BBX: variants seen among roughly 807,000 people sequenced by gnomAD.
BBX encodes the protein BBX high mobility group box domain containing.
BBX carries 30 observed loss-of-function variants against 100.2 expected under a neutral mutation model. The observed-to-expected ratio is 0.30, with a 90% CI of 0.22 to 0.41. The LOEUF (loss-of-function observed/expected upper bound fraction) is 0.41. Among genes scored for constraint, BBX ranks in the 10% least tolerant of loss-of-function variants. The pLI is 1.00. For synonymous variants in BBX, 376 were observed against 388.1 expected (o/e 0.97, Z 0.37); for missense variants, 1,023 against 1,129.8 (o/e 0.91, Z 1.35).
intron 15 of BBX, among the ~76,000 whole-genome samples, chr3:107,795,638 T>TG (rs2069559462): frequency 6.8e-6 from 1 of 146,304 alleles, no homozygotes; most frequent in South Asian, 2.3e-4. Context: ...TTTTTTTTTT[T>TG]GCCTCTTCCA....
At chr3:107,666,406 A>T (rs558524227) in intron 3 of BBX, among the ~76,000 whole-genome samples, 1 of 152,338 alleles carries the variant, frequency 6.6e-6, no homozygotes, top group South Asian at 2.1e-4. Context: ...TAAGTCTTGC[A>T]ACTTTTAGCA....
intron 2 of BBX, among the ~76,000 whole-genome samples, chr3:107,595,117 A>G (rs1365506453): frequency 6.6e-6 from 1 of 152,200 alleles, no homozygotes; most frequent in Non-Finnish European, 1.5e-5. Context: ...TTACTAGGGA[A>G]CTAGGCTGGA....
chr3:107,765,361 A>G (rs1051101420), intron 10 of BBX, among the ~76,000 whole-genome samples: 1 of 152,164 alleles, frequency 6.6e-6, no homozygotes, highest in African/African-American at 2.4e-5. Flanking sequence ...GAAAATAGCT[A>G]ATCAGTAGCA....
chr3:107,633,342 T>C (rs2056662248), intron 2 of BBX, among the ~76,000 whole-genome samples: 2 of 152,244 alleles, frequency 1.3e-5, no homozygotes, highest in East Asian at 3.9e-4. Context: ...TTATGAAAAG[T>C]TCTGTACTAT....
At chr3:107,531,828 C>G (rs150743453) in intron 2 of BBX, among the ~76,000 whole-genome samples, 2 of 152,288 alleles carry the variant, frequency 1.3e-5, no homozygotes, top group East Asian at 3.9e-4. Flanking sequence ...TTTCATATTT[C>G]ACGGTAGTTC....
At position 107,672,973 on chromosome 3, in the gene BBX, A is replaced by G. The variant is rs759319150; in HGVS notation, c.-10+27064A>G. On this transcript the variant is annotated intron_variant, in intron 3 of 17. Coordinates refer to ENST00000325805, the MANE Select transcript of BBX (RefSeq NM_001142568.3). ...ACTTTGTACTAGCCCCAGCTCTTTC[A>G]TCTTGAACAGGTTCTAGGACCTTGA... Among the ~76,000 whole-genome samples, 3 of 152,198 alleles carry G rather than the reference A, an allele frequency of 2.0e-5. No individual in the cohort carries two copies. In the East Asian group the frequency reaches 5.8e-4, roughly 29 times the overall value.
chr3:107,678,507 T>C (rs2059399680), intron 3 of BBX, among the ~76,000 whole-genome samples: 1 of 152,118 alleles, frequency 6.6e-6, no homozygotes, highest in Admixed American at 6.6e-5. Flanking sequence ...GAGGATTGTT[T>C]GAGCCCAGGA....
In BBX at chr3:107,664,447, G is replaced by A. The variant is rs372227505; in HGVS notation, c.-10+18538G>A. On this transcript the variant is annotated intron_variant, in intron 3 of 17. Transcript: ENST00000325805. The stretch of plus-strand genomic sequence containing the variant: ...ACTTTGCATGAATGTGACTATATCC[G>A]AGCAGAAGTTTAAAAATGGAAAAGA... Among the ~76,000 whole-genome samples, 271 of 152,250 alleles carry A rather than the reference G, an allele frequency of 1.8e-3. 8 individuals carry two copies. The South Asian group carries it at 0.051, about 28-fold the overall frequency.
Position 107,806,891 on chromosome 3 carries a change from G to C in BBX, c.*1434G>C, listed in dbSNP as rs1387465450. The C allele has an allele frequency of 1.3e-5, 2 of 152,180 alleles. No individual in the cohort carries two copies. Among genetic ancestry groups the C allele is most frequent in the African/African-American group, 4.8e-5 (2 of 41,450 alleles). 9.4% of individuals were successfully genotyped at this position (152,180 alleles called of 1,614,324 possible). On this transcript the variant is annotated 3_prime_UTR_variant, in exon 18 of 18. Coordinates refer to ENST00000325805, the MANE Select transcript of BBX (RefSeq NM_001142568.3). ...ACCAAATTTTAATTATTGGATTCCA[G>C]CAATAATTTTTAATGGTTTTCAAAC...
At chr3:107,670,711 TGACTG>T (rs2058975784) in intron 3 of BBX, among the ~76,000 whole-genome samples, 1 of 152,108 alleles carries the variant, frequency 6.6e-6, no homozygotes, top group African/African-American at 2.4e-5. Flanking sequence ...TGAATACACT[TGACTG>T]GATTAATAAG....
intron 3 of BBX, among the ~76,000 whole-genome samples, chr3:107,707,951 A>G (rs563644634): frequency 6.6e-6 from 1 of 152,192 alleles, no homozygotes; most frequent in Admixed American, 6.5e-5. Flanking sequence ...TCTCCAACTG[A>G]TAGAAGTTGC....
chr3:107,786,038 G>T lies in BBX; in HGVS notation c.2204-3749G>T, dbSNP rs972793318. Among the ~76,000 whole-genome samples, 11 of 151,960 alleles carry T rather than the reference G, an allele frequency of 7.2e-5. 1 individual carries two copies. Among genetic ancestry groups the T allele is most frequent in the Admixed American group, 3.3e-4 (5 of 15,252 alleles). The stretch of plus-strand genomic sequence containing the variant: ...TTATATTTTGATACACTTAAACAAT[G>T]AACAATCTAAAAATGAGATTAGGAA... On this transcript the variant is annotated intron_variant, in intron 13 of 17. Coordinates refer to ENST00000325805, the MANE Select transcript of BBX (RefSeq NM_001142568.3).
chr3:107,748,963 T>A (rs1427052642), intron 9 of BBX, among the ~76,000 whole-genome samples: 1 of 151,990 alleles, frequency 6.6e-6, no homozygotes, highest in Non-Finnish European at 1.5e-5. Context: ...CATCTTACTT[T>A]GAAAATGAGA....
intron 2 of BBX, among the ~76,000 whole-genome samples, chr3:107,624,925 C>T (rs922091881): frequency 6.6e-6 from 1 of 152,154 alleles, no homozygotes; most frequent in African/African-American, 2.4e-5. Context: ...ATAGTTTGCT[C>T]CTGAATTTAG....
chr3:107,614,322 C>T (rs1559875332), intron 2 of BBX, among the ~76,000 whole-genome samples: 1 of 151,984 alleles, frequency 6.6e-6, no homozygotes, highest in East Asian at 1.9e-4. Flanking sequence ...CTTTAGCAAC[C>T]AGTATTCATA....
At chr3:107,789,429 C>A (rs1293571810) in intron 13 of BBX, among the ~76,000 whole-genome samples, 2 of 152,154 alleles carry the variant, frequency 1.3e-5, no homozygotes, top group African/African-American at 4.8e-5. Context: ...TCCATCCTTT[C>A]CTTCATGGTA....
At position 107,725,593 on chromosome 3, in the gene BBX, A is replaced by G. The variant is rs543119933; in HGVS notation, c.406-3172A>G. Among the ~76,000 whole-genome samples, 152 of 152,212 alleles carry G rather than the reference A, an allele frequency of 1.0e-3. 2 individuals are homozygous for G. Among genetic ancestry groups the G allele is most frequent in the South Asian group, 3.5e-3 (17 of 4,828 alleles). On this transcript the variant is annotated intron_variant, in intron 5 of 17. Transcript: ENST00000325805. ...GAATATTGTCTTTTGTCACATAAAAATGCCCTTGTCAAATATTAAGTAGAC... is the reference window on the plus strand; with the variant it reads ...GAATATTGTCTTTTGTCACATAAAAGTGCCCTTGTCAAATATTAAGTAGAC...
At chr3:107,586,535 C>G (rs1261129704) in intron 2 of BBX, among the ~76,000 whole-genome samples, 3 of 152,154 alleles carry the variant, frequency 2.0e-5, no homozygotes, top group African/African-American at 7.2e-5. Context: ...TATAACTGAG[C>G]ATTCCTATTG....
intron 2 of BBX, among the ~76,000 whole-genome samples, chr3:107,644,436 T>G (rs969359357): frequency 6.6e-6 from 1 of 152,180 alleles, no homozygotes; most frequent in South Asian, 2.1e-4. Flanking sequence ...TATTTACTCA[T>G]CTGTTTCATA....
Sources: gnomAD v4.1 joint callset for allele counts (sites outside exome capture counted in the v4.1 genomes callset) on GRCh38, gnomAD v4.1.1 for gene constraint, MANE v1.5 for transcripts, NCBI Gene and HGNC (gene_info 2026-07-23, HGNC 2026-07-21) for gene names.